Variants in ZNF814 observed in about 807,000 individuals in gnomAD.
The protein encoded by ZNF814 is zinc finger protein 814.
Under a neutral mutation model 7.5 loss-of-function variants are expected in ZNF814, and 5 were observed. The ratio of observed to expected loss-of-function variants is 0.67; its 90% CI spans 0.35 to 1.40. ZNF814 has a LOEUF of 1.40. Among genes scored for constraint, ZNF814 ranks in the 40% most tolerant of loss-of-function variants. The pLI is 0.04. For missense variants in ZNF814, 962 were observed against 1,018.0 expected (o/e 0.94, Z 0.75); for synonymous variants, 315 against 340.7 (o/e 0.92, Z 0.83).
Position 57,888,895 on chromosome 19 carries a change from C to G in ZNF814, c.-93G>C, listed in dbSNP as rs756065370. On this transcript the variant is annotated 5_prime_UTR_variant, in exon 1 of 3. Coordinates refer to ENST00000435989, the MANE Select transcript of ZNF814 (RefSeq NM_001144989.2). ...TCCGTATCCTGGCCCAGGAGTGGGT[C>G]ACGCTGGGCGCCGTCACAGAGCTCC... 124 of 1,407,802 alleles carry G rather than the reference C, an allele frequency of 8.8e-5. No homozygotes were observed. The highest frequency in any genetic ancestry group is 1.2e-4 in the Non-Finnish European group (120 of 1,021,372). The allele number at this position is 1,407,802 out of a possible 1,614,324, so 87.2% of individuals were successfully genotyped here.
At chr19:57,883,674 A>G (rs1285728222) in intron 1 of ZNF814, among the ~76,000 whole-genome samples, 1 of 151,928 alleles carries the variant, frequency 6.6e-6, no homozygotes, top group African/African-American at 2.4e-5. Context: ...AAAAAAAAAA[A>G]AATCAAAATG....
rs549503680 is a variant in ZNF814, at chr19:57,877,766, T to A, written c.37-724A>T. Among the ~76,000 whole-genome samples, 5 of 152,238 alleles carry A rather than the reference T, an allele frequency of 3.3e-5. No individual in the cohort carries two copies. The South Asian group carries it at 1.0e-3, about 32-fold the overall frequency. On this transcript the variant is annotated intron_variant, in intron 1 of 2. Transcript: ENST00000435989. ...AGCTTAAAGTATCTTAATTCCCTCC[T>A]TTTTCTTCAACTAGTGTGGGTTGAT...
chr19:57,892,256 A>G (rs1473326716), upstream of ZNF814, among the ~76,000 whole-genome samples: 1 of 152,222 alleles, frequency 6.6e-6, no homozygotes, highest in Non-Finnish European at 1.5e-5. Context: ...TTGACACTGA[A>G]GAAACCCCCA....
At chr19:57,877,536 G>A (rs1233687119) in intron 1 of ZNF814, among the ~76,000 whole-genome samples, 2 of 151,974 alleles carry the variant, frequency 1.3e-5, no homozygotes, top group Admixed American at 6.6e-5. Context: ...TCCACCTCCT[G>A]GGTTCAAGCA....
chr19:57,896,173 CAAAAAAAA>C, the ZNF814 span, among the ~76,000 whole-genome samples: 2 of 69,310 alleles, frequency 2.9e-5, no homozygotes, highest in African/African-American at 8.3e-5. The surrounding 1 kb of genome is among the most constrained non-coding windows in gnomAD (Gnocchi z 4.2). Flanking sequence ...GACTCCATCT[CAAAAAAAA>C]AAAAAAAAAA....
chr19:57,893,529 C>T (rs190365897), upstream of ZNF814, among the ~76,000 whole-genome samples: 282 of 151,934 alleles, frequency 1.9e-3, 3 homozygotes, highest in African/African-American at 6.5e-3. Context: ...GTAATCCCAG[C>T]ACTTTGGGAG....
chr19:57,878,631 A>G (rs1386669635), intron 1 of ZNF814, among the ~76,000 whole-genome samples: 1 of 151,890 alleles, frequency 6.6e-6, no homozygotes, highest in Non-Finnish European at 1.5e-5. Context: ...GCTAATTTCT[A>G]TATTTTTAAT....
At chr19:57,894,083 GA>G in the ZNF814 span, among the ~76,000 whole-genome samples, 1,595 of 131,396 alleles carry the variant, frequency 0.012, 15 homozygotes, top group Non-Finnish European at 0.014. Context: ...ACTCTGTCTC[GA>G]AAAAAAAAAA....
rs1568516648 is a variant in ZNF814 at position 57,873,122 on chromosome 19, G to C, written c.2268C>G (p.Ser756Arg). 6.2e-7 allele frequency: 1 copy of C among 1,613,550 alleles called. No homozygotes were observed. Among genetic ancestry groups the C allele is most frequent in the African/African-American group, 1.3e-5 (1 of 74,808 alleles). The stretch of plus-strand genomic sequence containing the variant: ...TTCGCTTATGAACACAGAATGTAGA[G>C]CTGTGGGTAAATGATTTTCCACAAT... The part of the protein sequence containing the change: ...CNDCGKSFTH[S>R]STFCVHKRIH... Residue 756 changes from serine (S) to arginine (R), a missense_variant, in exon 3 of 3, where the codon AGC becomes AGG. By Grantham distance (110) the Ser-to-Arg change is moderately radical. This residue lies in a region of ZNF814 where 665 missense variants were observed against 551.4 expected (regional missense o/e 1.21). Transcript: ENST00000435989.
chr19:57,871,903 G>T lies in ZNF814; in HGVS notation c.*919C>A, dbSNP rs1293917144. On this transcript the variant is annotated 3_prime_UTR_variant, in exon 3 of 3. Transcript: ENST00000435989. ...GGTGGAAGGATCGCTTGAGCCAGGA[G>T]TTTAAGACCAGCCTGGGCAACATGG... is the stretch of plus-strand genomic sequence containing the variant. 1.3e-5 allele frequency among the ~76,000 whole-genome samples: 2 copies of T among 151,728 alleles called. No homozygotes were observed. The highest frequency in any genetic ancestry group is 2.9e-5 in the Non-Finnish European group (2 of 67,988).
intron 1 of ZNF814, among the ~76,000 whole-genome samples, chr19:57,887,979 T>G: frequency 6.6e-6 from 1 of 152,212 alleles, no homozygotes; most frequent in Non-Finnish European, 1.5e-5. Context: ...TCTGAAGAGT[T>G]GTTGCATTTA....
At chr19:57,887,863 T>G (rs2122471250) in intron 1 of ZNF814, among the ~76,000 whole-genome samples, 1 of 152,328 alleles carries the variant, frequency 6.6e-6, no homozygotes, top group African/African-American at 2.4e-5. Flanking sequence ...TTATGAAGGA[T>G]TTAGAGCGCC....
rs2071560318 is a variant in ZNF814 at position 57,871,984 on chromosome 19, C to T, written c.*838G>A. On this transcript the variant is annotated 3_prime_UTR_variant, in exon 3 of 3. Transcript: ENST00000435989. ...ATTAGTGGAGCATGGTAGTGCATGC[C>T]TGTGGTTTCAGCTACTCAGGAGGCC... Among the ~76,000 whole-genome samples the T allele has an allele frequency of 6.6e-6, 1 of 151,980 alleles. No individual in the cohort carries two copies. The highest frequency in any genetic ancestry group is 2.4e-5 in the African/African-American group (1 of 41,356).
chr19:57,887,676 C>T lies in ZNF814; in HGVS notation c.36+1091G>A, dbSNP rs1310128374. 2.0e-5 allele frequency among the ~76,000 whole-genome samples: 3 copies of T among 152,274 alleles called. No homozygotes were observed. In the East Asian group the frequency reaches 5.8e-4, roughly 29 times the overall value. On this transcript the variant is annotated intron_variant, in intron 1 of 2. Coordinates refer to ENST00000435989, the MANE Select transcript of ZNF814 (RefSeq NM_001144989.2). ...TACAAGACATTAAGGACTCCTTACC[C>T]ACCCCCCTTTCCTCAAGGAGTTAAC... is the stretch of plus-strand genomic sequence containing the variant.
chr19:57,887,416 C>A (rs1364888516), intron 1 of ZNF814, among the ~76,000 whole-genome samples: 1 of 152,196 alleles, frequency 6.6e-6, no homozygotes, highest in Non-Finnish European at 1.5e-5. Context: ...GACCAAGATG[C>A]CTTTTGTCTT....
At chr19:57,893,068 G>A (rs1189440449), upstream of ZNF814, among the ~76,000 whole-genome samples, 3 of 152,120 alleles carry the variant, frequency 2.0e-5, no homozygotes, top group South Asian at 4.1e-4. Context: ...CAAGGGTGTG[G>A]TGCAGCCAGC....
At chr19:57,894,792 C>T in the ZNF814 span, among the ~76,000 whole-genome samples, 1 of 151,562 alleles carries the variant, frequency 6.6e-6, no homozygotes, top group African/African-American at 2.4e-5. Flanking sequence ...CGAGATTGCA[C>T]CACTGCACTC....
At chr19:57,902,873 G>A in the ZNF814 span, among the ~76,000 whole-genome samples, 1 of 151,808 alleles carries the variant, frequency 6.6e-6, no homozygotes, top group South Asian at 2.1e-4. Context: ...TAGAGACGGA[G>A]TTTCACCGTG....
At chr19:57,891,671 G>C (rs1297776737), upstream of ZNF814, among the ~76,000 whole-genome samples, 1 of 152,178 alleles carries the variant, frequency 6.6e-6, no homozygotes, top group Non-Finnish European at 1.5e-5. Context: ...CTAACAACAG[G>C]GTGAAACCCA....
Sources: allele counts gnomAD v4.1 joint callset (sites outside exome capture counted in the v4.1 genomes callset), GRCh38; gene constraint gnomAD v4.1.1; regional missense constraint gnomAD v4.1.1; non-coding constraint Gnocchi (gnomAD v3.1); transcripts MANE v1.5; gene names NCBI Gene and HGNC (gene_info 2026-07-23, HGNC 2026-07-21).